The following GRID1 variants were observed in gnomAD, a reference collection of about 807,000 sequenced individuals.
GRID1 encodes the protein glutamate receptor ionotropic, delta-1.
A neutral mutation model predicts 98.0 loss-of-function variants in GRID1; 28 were observed. The ratio of observed to expected loss-of-function variants is 0.29; its 90% CI spans 0.21 to 0.39. GRID1 has a LOEUF of 0.39. Ranked by LOEUF, GRID1 falls within the 10% of genes least tolerant of loss-of-function variation. The pLI, the probability that GRID1 is intolerant of heterozygous loss-of-function variation, is 1.00. For missense variants in GRID1, 1,111 were observed against 1,340.5 expected (o/e 0.83, Z 2.67); for synonymous variants, 553 against 538.5 (o/e 1.03, Z -0.37).
chr10:85,832,265 C>A (rs1457293689), intron 8 of GRID1, among the ~76,000 whole-genome samples: 2 of 151,996 alleles, frequency 1.3e-5, no homozygotes, highest in Non-Finnish European at 2.9e-5. Context: ...CATACAAACT[C>A]GTTCAGAAAT....
intron 2 of GRID1, among the ~76,000 whole-genome samples, chr10:86,320,642 A>G (rs1178991720): frequency 2.0e-5 from 3 of 152,188 alleles, no homozygotes; most frequent in Non-Finnish European, 4.4e-5. Context: ...AATTAATGCT[A>G]TTGAACTGTA....
At chr10:86,237,280 C>A (rs1002304214) in intron 2 of GRID1, among the ~76,000 whole-genome samples, 1 of 152,176 alleles carries the variant, frequency 6.6e-6, no homozygotes, top group African/African-American at 2.4e-5. Context: ...AATCTCATGT[C>A]AAATTGTAAT....
chr10:86,100,975 C>T (rs1844287855), intron 4 of GRID1, among the ~76,000 whole-genome samples: 1 of 152,084 alleles, frequency 6.6e-6, no homozygotes, highest in South Asian at 2.1e-4. Context: ...TTGTTATGCA[C>T]CATTAAATGG....
At chr10:85,792,195 AC>A (rs1842486867) in intron 8 of GRID1, among the ~76,000 whole-genome samples, 1 of 152,176 alleles carries the variant, frequency 6.6e-6, no homozygotes. Flanking sequence ...TTATGCCTCA[AC>A]TGCCAGTGCC....
intron 5 of GRID1, among the ~76,000 whole-genome samples, chr10:85,879,907 C>A (rs1229733939): frequency 1.3e-5 from 2 of 152,010 alleles, no homozygotes; most frequent in African/African-American, 4.8e-5. Flanking sequence ...AGAGAAGAAT[C>A]AAATAGACGC....
chr10:85,780,144 T>C (rs1371097255), intron 8 of GRID1, among the ~76,000 whole-genome samples: 1 of 152,208 alleles, frequency 6.6e-6, no homozygotes, highest in Non-Finnish European at 1.5e-5. Flanking sequence ...GGAGGACATC[T>C]TGAGATCGTT....
intron 2 of GRID1, among the ~76,000 whole-genome samples, chr10:86,228,320 G>A: frequency 6.7e-6 from 1 of 149,088 alleles, no homozygotes; most frequent in Non-Finnish European, 1.5e-5. Context: ...GGGTGGGTGG[G>A]GTGAATGGGA....
chr10:86,117,891 G>T (rs117315364), intron 4 of GRID1, among the ~76,000 whole-genome samples: 2,042 of 152,324 alleles, frequency 0.013, 25 homozygotes, highest in African/African-American at 0.031. Context: ...GGACAACAGT[G>T]TGGAGATACC....
chr10:85,731,013 T>A (rs1008397036), intron 8 of GRID1, among the ~76,000 whole-genome samples: 4 of 152,152 alleles, frequency 2.6e-5, no homozygotes, highest in Non-Finnish European at 5.9e-5. Context: ...AAAGTGCTAC[T>A]GGGGGCCCTA....
intron 4 of GRID1, among the ~76,000 whole-genome samples, chr10:85,931,245 G>GCCCTAC (rs940503306): frequency 3.3e-5 from 5 of 149,700 alleles, no homozygotes; most frequent in African/African-American, 1.2e-4. Flanking sequence ...CTCTCCCCCT[G>GCCCTAC]CCCTACCCCT....
At chr10:85,881,433 T>A (rs1025533090) in intron 5 of GRID1, among the ~76,000 whole-genome samples, 1 of 152,004 alleles carries the variant, frequency 6.6e-6, no homozygotes, top group Non-Finnish European at 1.5e-5. Flanking sequence ...GAGATAGCGA[T>A]CAATGGAACA....
intron 4 of GRID1, among the ~76,000 whole-genome samples, chr10:85,975,636 AC>A (rs79469614): frequency 0.13 from 19,530 of 152,142 alleles, 1,381 homozygotes; most frequent in Admixed American, 0.22. Flanking sequence ...ATAGTAAGCT[AC>A]CCCAGAACCC....
At chr10:86,179,030 G>A (rs1845616884) in intron 3 of GRID1, among the ~76,000 whole-genome samples, 1 of 152,094 alleles carries the variant, frequency 6.6e-6, no homozygotes, top group South Asian at 2.1e-4. Flanking sequence ...AGCCTAGCCT[G>A]AGCCAAGGAT....
rs1842541346 is a variant in GRID1, at chr10:85,599,631, G to A, written c.*2642C>T. 1 of 151,148 alleles carries A rather than the reference G, an allele frequency of 6.6e-6. No individual in the cohort carries two copies. The highest frequency in any genetic ancestry group is 2.4e-5 in the African/African-American group (1 of 40,856). 9.4% of individuals were successfully genotyped at this position (151,148 alleles called of 1,614,324 possible). Reference sequence around the variant, plus strand: ...GGCACAAAATATACCTAAAATGTATGGAATAGTCTAAACAGAGTTATAAAT... The same window carrying A: ...GGCACAAAATATACCTAAAATGTATAGAATAGTCTAAACAGAGTTATAAAT... On this transcript the variant is annotated 3_prime_UTR_variant, in exon 16 of 16. Transcript: ENST00000327946.
intron 3 of GRID1, among the ~76,000 whole-genome samples, chr10:86,203,123 A>G (rs973945499): frequency 6.6e-6 from 1 of 152,252 alleles, no homozygotes; most frequent in African/African-American, 2.4e-5. Flanking sequence ...AGTAAAATAC[A>G]TAAAGGTACT....
At chr10:85,810,297 T>C (rs2131743931) in intron 8 of GRID1, among the ~76,000 whole-genome samples, 1 of 152,312 alleles carries the variant, frequency 6.6e-6, no homozygotes, top group East Asian at 1.9e-4. Flanking sequence ...TGTAACACCA[T>C]GACCCCAGCT....
intron 5 of GRID1, among the ~76,000 whole-genome samples, chr10:85,897,210 A>ATCCCTG (rs1841305406): frequency 6.6e-6 from 1 of 152,190 alleles, no homozygotes; most frequent in South Asian, 2.1e-4. Flanking sequence ...CTTTGCTTCT[A>ATCCCTG]TCCCTGCCCC....
At chr10:85,844,895 C>T (rs955621783) in intron 8 of GRID1, among the ~76,000 whole-genome samples, 1 of 151,814 alleles carries the variant, frequency 6.6e-6, no homozygotes, top group Non-Finnish European at 1.5e-5. Context: ...AAATGTAACA[C>T]TCATTCTTGA....
At chr10:85,952,253 G>A (rs555279561) in intron 4 of GRID1, among the ~76,000 whole-genome samples, 6 of 152,302 alleles carry the variant, frequency 3.9e-5, no homozygotes, top group East Asian at 1.9e-4. Flanking sequence ...CACATGTTAC[G>A]ACATCAACCT....
Sources: gnomAD v4.1 joint callset for allele counts (sites outside exome capture counted in the v4.1 genomes callset) on GRCh38, gnomAD v4.1.1 for gene constraint, MANE v1.5 for transcripts, NCBI Gene and HGNC (gene_info 2026-07-23, HGNC 2026-07-21) for gene names.